Variants in SEC14L4 observed in about 807,000 individuals in gnomAD.
The protein encoded by SEC14L4 is SEC14 like lipid binding 4.
Under a neutral mutation model 55.1 loss-of-function variants are expected in SEC14L4, and 42 were observed. The observed-to-expected ratio is 0.76, with a 90% CI of 0.60 to 0.99. The LOEUF is 0.99. Ranked by LOEUF, SEC14L4 falls within the 50% of genes least tolerant of loss-of-function variation. SEC14L4 has a pLI of 0.00. For synonymous variants in SEC14L4, 206 were observed against 206.8 expected (o/e 1.00, Z 0.03); for missense variants, 445 against 512.1 (o/e 0.87, Z 1.27).
chr22:30,490,293 G>A (rs780419690), intron 11 of SEC14L4, 47 bp from the exon 12 acceptor site: 39 of 1,605,514 alleles, frequency 2.4e-5, no homozygotes, highest in Admixed American at 1.5e-4. Context: ...CCGCACATCT[G>A]CAGGAAGAGC....
At chr22:30,492,359 G>T in intron 8 of SEC14L4, 115 bp downstream of exon 8, 1 of 1,176,046 alleles carries the variant, frequency 8.5e-7, no homozygotes, top group Non-Finnish European at 1.2e-6. Flanking sequence ...AGGCTCACCA[G>T]GGTCAGGCCA....
At chr22:30,494,740 G>A in intron 6 of SEC14L4, 126 bp downstream of exon 6, 5 of 662,940 alleles carry the variant, frequency 7.5e-6, no homozygotes, top group South Asian at 6.6e-5. Flanking sequence ...TCATTGGCTG[G>A]TCTGTGGAGC....
At chr22:30,490,419 G>A (rs1461462365) in intron 11 of SEC14L4, 173 bp from the exon 12 acceptor site, 2 of 1,044,048 alleles carry the variant, frequency 1.9e-6, no homozygotes, top group Non-Finnish European at 1.4e-6. Context: ...GGGGCCTGAG[G>A]GCCAGCCTGT....
rs200366426 is a variant in SEC14L4 at position 30,503,758 on chromosome 22, C to A, written c.55-6G>T. On this transcript the variant is annotated splice_region_variant and splice_polypyrimidine_tract_variant and intron_variant, in intron 1 of 11. Transcript: ENST00000255858. ...TCCTGGAGGTTCTCCCGGAACTGAG[C>A]GGAGGAGGATCTGATGGTCGGCGGA... 4 of 1,609,948 alleles carry A rather than the reference C, an allele frequency of 2.5e-6. No homozygotes were observed. The highest frequency in any genetic ancestry group is 3.4e-6 in the Non-Finnish European group (4 of 1,177,466).
chr22:30,501,148 C>A (rs1936308577), intron 2 of SEC14L4, among the ~76,000 whole-genome samples: 2 of 152,166 alleles, frequency 1.3e-5, no homozygotes. Flanking sequence ...CTACCAAGCT[C>A]AGCCTCAGCA....
At chr22:30,499,209 T>C (rs1936245296) in intron 2 of SEC14L4, among the ~76,000 whole-genome samples, 1 of 151,666 alleles carries the variant, frequency 6.6e-6, no homozygotes, top group Non-Finnish European at 1.5e-5. Flanking sequence ...TGCATAATTT[T>C]AATGCCTTAT....
chr22:30,505,663 C>T lies in SEC14L4; in HGVS notation c.-52G>A. 9 of 1,494,714 alleles carry T rather than the reference C, an allele frequency of 6.0e-6. No homozygotes were observed. Among genetic ancestry groups the T allele is most frequent in the Non-Finnish European group, 8.0e-6 (9 of 1,120,584 alleles). 92.6% of individuals were successfully genotyped at this position (1,494,714 alleles called of 1,614,324 possible). On this transcript the variant is annotated 5_prime_UTR_variant, in exon 1 of 12. Transcript: ENST00000255858. Reference sequence around the variant, plus strand: ...GGGCGCAGGTCCGCCCGCCCGCCGCCGCCTGGCCTTGTATCCGCTGCCGCC... The same window carrying T: ...GGGCGCAGGTCCGCCCGCCCGCCGCTGCCTGGCCTTGTATCCGCTGCCGCC...
intron 3 of SEC14L4, 62 bp from the exon 4 acceptor site, chr22:30,495,704 C>T (rs768293691): frequency 6.2e-7 from 1 of 1,612,110 alleles, no homozygotes; most frequent in Non-Finnish European, 8.5e-7. Context: ...AGGCTAGGTC[C>T]CTCTGCCCAC....
At chr22:30,494,778 C>A (rs958680880) in intron 6 of SEC14L4, 88 bp downstream of exon 6, 12 of 870,012 alleles carry the variant, frequency 1.4e-5, no homozygotes, top group Non-Finnish European at 2.1e-5. Context: ...ACCCCTCTAT[C>A]TCACTGGATT....
Position 30,490,199 on chromosome 22 carries a change from G to A in SEC14L4, c.1129C>T (p.Leu377Phe), listed in dbSNP as rs1410676582. ...NTYSRMHAKK[L>F]SYTVEVLLPD... ...AGCAGCACCTCCACAGTGTAGCTGA[G>A]CTTCTTGGCATGCATCCGGCTGTAG... The change falls in exon 12 of 12, where the codon CTC (leucine) becomes TTC (phenylalanine). Residue 377 changes from leucine (L) to phenylalanine (F), a missense_variant. Leu to Phe is a conservative substitution (Grantham distance 22, BLOSUM62 0). Coordinates refer to ENST00000255858, the MANE Select transcript of SEC14L4 (RefSeq NM_174977.4). 1.9e-6 allele frequency: 3 copies of A among 1,614,132 alleles called. No homozygotes were observed. The highest frequency in any genetic ancestry group is 1.7e-5 in the Admixed American group (1 of 60,022).
In SEC14L4 at chr22:30,489,830, CCTCAG is replaced by C. The variant is rs1273985634; in HGVS notation, c.*272_*276del. The C allele has an allele frequency of 6.5e-6, 10 of 1,543,418 alleles. No homozygotes were observed. In the African/African-American group the frequency reaches 1.2e-4, roughly 19 times the overall value. ...GGCAGCTTCTGCAAGCAGGACCCAT[CCTCAG>C]TGGACTGGATCATCTTCAGCGTTCT... is the stretch of plus-strand genomic sequence containing the variant. On this transcript the variant is annotated 3_prime_UTR_variant, in exon 12 of 12. Transcript: ENST00000255858.
At position 30,490,195 on chromosome 22, in the gene SEC14L4, C is replaced by T. The variant is rs754598221; in HGVS notation, c.1133G>A (p.Ser378Asn). Residue 378 changes from serine to asparagine, a missense_variant, in exon 12 of 12, where the codon AGC (serine) becomes AAC (asparagine). Coordinates refer to ENST00000255858, the MANE Select transcript of SEC14L4 (RefSeq NM_174977.4). ...TYSRMHAKKL[S>N]YTVEVLLPDK... ...GGGAAGCAGCACCTCCACAGTGTAG[C>T]TGAGCTTCTTGGCATGCATCCGGCT... is the stretch of plus-strand genomic sequence containing the variant. The T allele has an allele frequency of 6.2e-7, 1 of 1,614,056 alleles. No individual in the cohort carries two copies. The highest frequency in any genetic ancestry group is 1.3e-5 in the African/African-American group (1 of 74,936).
At chr22:30,500,317 TTA>T (rs1936280044) in intron 2 of SEC14L4, among the ~76,000 whole-genome samples, 1 of 152,190 alleles carries the variant, frequency 6.6e-6, no homozygotes, top group Non-Finnish European at 1.5e-5. Flanking sequence ...GATTTTGGTC[TTA>T]TATATTATTT....
Position 30,491,841 on chromosome 22 carries a change from C to G in SEC14L4, c.904G>C (p.Val302Leu), listed in dbSNP as rs1218483044. 1.9e-6 allele frequency: 3 copies of G among 1,611,874 alleles called. No individual in the cohort carries two copies. The highest frequency in any genetic ancestry group is 2.5e-6 in the Non-Finnish European group (3 of 1,179,266). The part of the protein sequence containing the change: ...VENEILFPGC[V>L]LRWQFASDGG... ...AGTGGCTGCCATCCCTACCTGAGCA[C>G]ACAGCCCGGGAACAGGATCTCGTTC... Residue 302 changes from valine (V) to leucine (L), a missense_variant, in exon 10 of 12, where the codon GTG (valine) becomes CTG (leucine). Val to Leu is a conservative substitution (Grantham distance 32). Coordinates refer to ENST00000255858, the MANE Select transcript of SEC14L4 (RefSeq NM_174977.4).
intron 2 of SEC14L4, among the ~76,000 whole-genome samples, chr22:30,498,933 T>A (rs556352257): frequency 1.3e-5 from 2 of 151,782 alleles, no homozygotes; most frequent in African/African-American, 4.9e-5. Context: ...TCACGCTGCA[T>A]AATTATTATT....
intron 11 of SEC14L4, 86 bp from the exon 12 acceptor site, chr22:30,490,332 C>T: frequency 6.3e-7 from 1 of 1,586,116 alleles, no homozygotes; most frequent in Non-Finnish European, 8.5e-7. Context: ...TCCCTGGAAC[C>T]CTTGGGAATG....
chr22:30,504,024 A>G (rs191637208), intron 1 of SEC14L4, among the ~76,000 whole-genome samples: 221 of 142,166 alleles, frequency 1.6e-3, no homozygotes, highest in African/African-American at 5.4e-3. Context: ...CTTATTTTTA[A>G]TTTTTATTTT....
At chr22:30,496,931 G>A (rs187923283) in intron 2 of SEC14L4, among the ~76,000 whole-genome samples, 29 of 152,272 alleles carry the variant, frequency 1.9e-4, no homozygotes, top group Admixed American at 1.7e-3. Flanking sequence ...CTGGCTCACT[G>A]AGGAATTTGT....
In SEC14L4 at chr22:30,494,152, C is replaced by G. The variant is rs772441064; in HGVS notation, c.578G>C (p.Arg193Pro). 4 of 1,612,684 alleles carry G rather than the reference C, an allele frequency of 2.5e-6. No individual in the cohort carries two copies. The South Asian group carries it at 4.4e-5, about 18-fold the overall frequency. ...GGTCATCCCGGTCATGGGCTTACCTCGAATAACAATTAAATTCTTCAGGGT... is the reference window on the plus strand; with the variant it reads ...GGTCATCCCGGTCATGGGCTTACCTGGAATAACAATTAAATTCTTCAGGGT... ...PETLKNLIVIRAPKLFPVAFN... is the reference protein window; with the variant it reads ...PETLKNLIVIPAPKLFPVAFN... The change falls in exon 7 of 12, where the codon CGA (arginine) becomes CCA (proline). Residue 193 changes from arginine to proline, a missense_variant and splice_region_variant. Coordinates refer to ENST00000255858, the MANE Select transcript of SEC14L4 (RefSeq NM_174977.4).
Sources: gnomAD v4.1 joint callset for allele counts (sites outside exome capture counted in the v4.1 genomes callset) on GRCh38, gnomAD v4.1.1 for gene constraint, MANE v1.5 for transcripts, NCBI Gene and HGNC (gene_info 2026-07-23, HGNC 2026-07-21) for gene names.